The following FRMD5 variants were observed in gnomAD, a reference collection of about 807,000 sequenced individuals.
The protein encoded by FRMD5 is FERM domain containing 5, also known as FERM domain-containing protein 5.
In FRMD5, 20 loss-of-function variants were observed where a neutral mutation model predicts 69.0. The observed-to-expected ratio is 0.29, with a 90% CI of 0.20 to 0.42. FRMD5 has a LOEUF of 0.42. FRMD5 is among the 10% of genes least tolerant of loss of function. The probability of loss-of-function intolerance (pLI) is 1.00; values close to 1 mark genes in which losing one functional copy is unlikely to be tolerated. For missense variants in FRMD5, 595 were observed against 708.6 expected (o/e 0.84, Z 1.82); for synonymous variants, 271 against 260.1 (o/e 1.04, Z -0.40).
At chr15:43,949,622 C>T (rs1010124869) in intron 1 of FRMD5, among the ~76,000 whole-genome samples, 11 of 152,306 alleles carry the variant, frequency 7.2e-5, no homozygotes, top group African/African-American at 1.2e-4. Context: ...ATTCCTTGTA[C>T]GACACTAGAG....
chr15:44,038,813 G>A (rs908381120), intron 1 of FRMD5, among the ~76,000 whole-genome samples: 1 of 152,062 alleles, frequency 6.6e-6, no homozygotes, highest in African/African-American at 2.4e-5. Context: ...GAGGAACAGT[G>A]CACTGCGGCC....
chr15:44,185,237 G>A (rs930167696), intron 1 of FRMD5, among the ~76,000 whole-genome samples: 1 of 152,176 alleles, frequency 6.6e-6, no homozygotes, highest in Non-Finnish European at 1.5e-5. Flanking sequence ...GGCATAGTTT[G>A]AAGAAGTTGC....
intron 1 of FRMD5, among the ~76,000 whole-genome samples, chr15:44,154,518 A>G (rs937976026): frequency 9.2e-5 from 14 of 152,238 alleles, no homozygotes; most frequent in Admixed American, 9.2e-4. Flanking sequence ...AGTATAAAAT[A>G]GTTATTTATG....
intron 2 of FRMD5, among the ~76,000 whole-genome samples, chr15:43,922,625 C>T (rs1299569685): frequency 2.0e-5 from 3 of 151,832 alleles, no homozygotes; most frequent in Non-Finnish European, 4.4e-5. Flanking sequence ...CTTCATATAC[C>T]ACCACTCTAG....
At chr15:43,989,516 A>G in intron 1 of FRMD5, 1 of 896,844 alleles carries the variant, frequency 1.1e-6, no homozygotes, top group Non-Finnish European at 1.9e-6. Flanking sequence ...CTCCTGCTCG[A>G]AGTCCAGGGT....
At chr15:44,114,804 AG>A (rs2076846068) in intron 1 of FRMD5, among the ~76,000 whole-genome samples, 1 of 152,242 alleles carries the variant, frequency 6.6e-6, no homozygotes, top group Non-Finnish European at 1.5e-5. Context: ...AAACACCTAC[AG>A]GATCAGGAAA....
chr15:44,003,931 A>T (rs1890324011), intron 1 of FRMD5, among the ~76,000 whole-genome samples: 1 of 152,342 alleles, frequency 6.6e-6, no homozygotes, highest in African/African-American at 2.4e-5. Flanking sequence ...TGAAGAAGAA[A>T]GGGGCCTAGA....
At chr15:44,090,195 T>C (rs2076451674) in intron 1 of FRMD5, among the ~76,000 whole-genome samples, 1 of 152,178 alleles carries the variant, frequency 6.6e-6, no homozygotes, top group Non-Finnish European at 1.5e-5. Flanking sequence ...TTAGATCCCA[T>C]TTATAAGCTG....
At position 44,048,284 on chromosome 15, in the gene FRMD5, C is replaced by T. The variant is rs528822492; in HGVS notation, c.103-123975G>A. Among the ~76,000 whole-genome samples, 12 of 152,198 alleles carry T rather than the reference C, an allele frequency of 7.9e-5. No homozygotes were observed. In the East Asian group the frequency reaches 2.1e-3, roughly 27 times the overall value. ...TGGGTATGAGGTGGTATCTCACTGT[C>T]GTTTTGATTTTAATTTTCCCTATGA... is the stretch of plus-strand genomic sequence containing the variant. On this transcript the variant is annotated intron_variant, in intron 1 of 13. Transcript: ENST00000417257.
intron 1 of FRMD5, among the ~76,000 whole-genome samples, chr15:44,116,409 C>T (rs552316575): frequency 2.4e-4 from 37 of 152,076 alleles, no homozygotes; most frequent in South Asian, 6.2e-4. Flanking sequence ...AAGGACGCCA[C>T]CACACCCAGC....
rs142844788 is a variant in FRMD5, at chr15:44,081,664, T to C, written c.102+113289A>G. ...TATTAATATGTATTTAAAATTATTGTTCAAACTGATTTATATCCTCCTCAA... is the reference window on the plus strand; with the variant it reads ...TATTAATATGTATTTAAAATTATTGCTCAAACTGATTTATATCCTCCTCAA... On this transcript the variant is annotated intron_variant, in intron 1 of 13. Transcript: ENST00000417257. Among the ~76,000 whole-genome samples the C allele has an allele frequency of 2.3e-3, 349 of 152,204 alleles. 8 individuals are homozygous for C. In the East Asian group the frequency reaches 0.058, roughly 25 times the overall value.
chr15:43,892,190 A>G (rs554778128), intron 7 of FRMD5, 121 bp from the exon 8 acceptor site: 3 of 824,536 alleles, frequency 3.6e-6, no homozygotes, highest in Admixed American at 2.1e-5. Context: ...AGGGAAAAGC[A>G]TATCATCTGG....
At chr15:43,875,735 T>A in intron 13 of FRMD5, 1 of 545,818 alleles carries the variant, frequency 1.8e-6, no homozygotes, top group Non-Finnish European at 3.2e-6. Flanking sequence ...ATTATAGGTG[T>A]GAGCCACCGC....
intron 1 of FRMD5, among the ~76,000 whole-genome samples, chr15:44,125,199 C>A (rs991380088): frequency 3.9e-5 from 6 of 151,936 alleles, no homozygotes; most frequent in African/African-American, 1.5e-4. Flanking sequence ...CTACTCAGGA[C>A]ACTGAGGCGG....
At chr15:44,191,145 T>G (rs1046978928) in intron 1 of FRMD5, among the ~76,000 whole-genome samples, 3 of 152,238 alleles carry the variant, frequency 2.0e-5, no homozygotes, top group African/African-American at 7.2e-5. Context: ...CAAATTCATT[T>G]CTAGAGTAGC....
chr15:43,937,195 C>T (rs1302705869), intron 1 of FRMD5, among the ~76,000 whole-genome samples: 3 of 152,144 alleles, frequency 2.0e-5, no homozygotes, highest in African/African-American at 7.2e-5. Context: ...TAAAATACAT[C>T]CTGACACCTA....
rs183101555 is a variant in FRMD5, at chr15:44,038,347, A to C, written c.103-114038T>G. On this transcript the variant is annotated intron_variant, in intron 1 of 13. Transcript: ENST00000417257. The stretch of plus-strand genomic sequence containing the variant: ...TTGTTGCCATTGCTTTTGGTGTTTT[A>C]GTCATGAACTCTTTGCCCATGCTTA... 2.0e-4 allele frequency among the ~76,000 whole-genome samples: 31 copies of C among 152,044 alleles called. No individual in the cohort carries two copies. The East Asian group carries it at 5.4e-3, about 27-fold the overall frequency.
rs1481885870 is a variant in FRMD5, at chr15:44,195,046, G to A, written c.9C>T (p.Ser3=). 6.5e-7 allele frequency: 1 copy of A among 1,543,186 alleles called. No homozygotes were observed. Among genetic ancestry groups the A allele is most frequent in the Admixed American group, 1.9e-5 (1 of 53,558 alleles). Residue 3 remains serine (S), a synonymous_variant, in exon 1 of 14, where the codon AGC becomes AGT. Transcript: ENST00000417257. The stretch of plus-strand genomic sequence containing the variant: ...TCCTGCTGCTGCCGCTCATCAACCT[G>A]CTCAGCATCTTCCCGCCCGCCCGCC... The part of the protein sequence containing the change: ML[S]RLMSGSSRSL...
intron 1 of FRMD5, among the ~76,000 whole-genome samples, chr15:43,949,392 A>T (rs2089993139): frequency 6.6e-6 from 1 of 152,182 alleles, no homozygotes; most frequent in Non-Finnish European, 1.5e-5. Flanking sequence ...CCACCCAGTG[A>T]TATAATTATT....
Sources: gnomAD v4.1 joint callset for allele counts (sites outside exome capture counted in the v4.1 genomes callset) on GRCh38, gnomAD v4.1.1 for gene constraint, MANE v1.5 for transcripts, NCBI Gene and HGNC (gene_info 2026-07-23, HGNC 2026-07-21) for gene names.